The following MAGI1 variants were observed in gnomAD, a reference collection of about 807,000 sequenced individuals.
The protein encoded by MAGI1 is membrane associated guanylate kinase, WW and PDZ domain containing 1, also known as membrane-associated guanylate kinase, WW and PDZ domain-containing protein 1.
MAGI1 carries 58 observed loss-of-function variants against 139.9 expected under a neutral mutation model. The observed-to-expected ratio is 0.41, with a 90% CI of 0.34 to 0.52. The LOEUF is 0.52. MAGI1 is among the 20% of genes least tolerant of loss of function. MAGI1 has a pLI of 0.12. For missense variants in MAGI1, 1,874 were observed against 1,901.6 expected (o/e 0.99, Z 0.27); for synonymous variants, 812 against 737.9 (o/e 1.10, Z -1.63).
intron 1 of MAGI1, among the ~76,000 whole-genome samples, chr3:66,020,904 C>T (rs560068505): frequency 2.0e-5 from 3 of 152,224 alleles, no homozygotes; most frequent in East Asian, 3.9e-4. Context: ...AATGAGCGCA[C>T]TACCATATGC....
chr3:65,365,314 C>T (rs1027928025), intron 18 of MAGI1: 3 of 415,684 alleles, frequency 7.2e-6, no homozygotes, highest in South Asian at 1.9e-5. Flanking sequence ...TCTTCCAGAA[C>T]TTTAAAGTCT....
At chr3:65,509,803 C>T (rs1015603218) in intron 2 of MAGI1, among the ~76,000 whole-genome samples, 37 of 152,174 alleles carry the variant, frequency 2.4e-4, no homozygotes, top group African/African-American at 7.7e-4. Context: ...GAGCCCACCA[C>T]AGCTCAAGGA....
intron 2 of MAGI1, among the ~76,000 whole-genome samples, chr3:65,586,345 A>G (rs2081677327): frequency 6.6e-6 from 1 of 152,204 alleles, no homozygotes; most frequent in Non-Finnish European, 1.5e-5. Flanking sequence ...TTAGGAATAG[A>G]AAATGGATAT....
At chr3:65,540,972 A>T (rs2079185176) in intron 2 of MAGI1, among the ~76,000 whole-genome samples, 1 of 152,216 alleles carries the variant, frequency 6.6e-6, no homozygotes, top group Non-Finnish European at 1.5e-5. Flanking sequence ...TGGATGGTGT[A>T]TGTATCAAAA....
At chr3:65,770,085 G>A (rs963639539) in intron 1 of MAGI1, among the ~76,000 whole-genome samples, 1 of 152,186 alleles carries the variant, frequency 6.6e-6, no homozygotes, top group Non-Finnish European at 1.5e-5. Context: ...GAGAGGACAA[G>A]AAAGGTGAGA....
intron 1 of MAGI1, among the ~76,000 whole-genome samples, chr3:65,797,711 G>A (rs868038847): frequency 6.6e-6 from 1 of 151,442 alleles, no homozygotes; most frequent in Non-Finnish European, 1.5e-5. Context: ...GTGAGACCCA[G>A]TCTCAAAAAA....
At chr3:65,387,943 G>C (rs1943584403) in intron 14 of MAGI1, among the ~76,000 whole-genome samples, 1 of 152,196 alleles carries the variant, frequency 6.6e-6, no homozygotes, top group Non-Finnish European at 1.5e-5. Context: ...AACAGGCAAA[G>C]TTTCAACTAT....
intron 13 of MAGI1, among the ~76,000 whole-genome samples, chr3:65,396,874 A>T (rs1236930751): frequency 6.6e-6 from 1 of 152,218 alleles, no homozygotes; most frequent in East Asian, 1.9e-4. Flanking sequence ...TATGGGTCTA[A>T]GTCAAACGAT....
intron 2 of MAGI1, among the ~76,000 whole-genome samples, chr3:65,562,258 C>A (rs946001461): frequency 1.3e-5 from 2 of 152,142 alleles, no homozygotes; most frequent in South Asian, 4.1e-4. Flanking sequence ...ATAAAACTTA[C>A]CACGTTTTAT....
intron 5 of MAGI1, among the ~76,000 whole-genome samples, chr3:65,458,115 G>T (rs1057400773): frequency 6.6e-6 from 1 of 152,010 alleles, no homozygotes; most frequent in Non-Finnish European, 1.5e-5. Flanking sequence ...AAAGGTTGTC[G>T]CAAATGACTA....
intron 10 of MAGI1, among the ~76,000 whole-genome samples, chr3:65,434,145 C>G (rs1947667176): frequency 1.3e-5 from 2 of 152,144 alleles, no homozygotes; most frequent in African/African-American, 4.8e-5. Flanking sequence ...GTATAGTGTT[C>G]AAATCTGTGC....
intron 1 of MAGI1, among the ~76,000 whole-genome samples, chr3:65,997,795 G>A (rs751036753): frequency 3.3e-5 from 5 of 151,920 alleles, no homozygotes; most frequent in Non-Finnish European, 7.4e-5. Flanking sequence ...TCTCCCCCTC[G>A]ACACCAGGAA....
chr3:65,456,311 C>A (rs1949383631), intron 5 of MAGI1, among the ~76,000 whole-genome samples: 1 of 152,094 alleles, frequency 6.6e-6, no homozygotes, highest in African/African-American at 2.4e-5. Context: ...CATCTATATA[C>A]CCTTTTCAGT....
At chr3:65,934,768 G>T (rs7635840) in intron 1 of MAGI1, among the ~76,000 whole-genome samples, 56,709 of 141,982 alleles carry the variant, frequency 0.4, 11,468 homozygotes, top group East Asian at 0.65. Flanking sequence ...AAAAGTTGTT[G>T]TTTTTTTTTT....
At chr3:65,373,554 C>T (rs1215267887) in intron 18 of MAGI1, among the ~76,000 whole-genome samples, 2 of 152,172 alleles carry the variant, frequency 1.3e-5, no homozygotes, top group Non-Finnish European at 2.9e-5. Flanking sequence ...TGGCCACAAA[C>T]CTTCAATTTG....
At chr3:65,866,968 C>G (rs2059751529) in intron 1 of MAGI1, among the ~76,000 whole-genome samples, 1 of 152,146 alleles carries the variant, frequency 6.6e-6, no homozygotes, top group Non-Finnish European at 1.5e-5. Flanking sequence ...CAGCAACATC[C>G]ACCTAGCTTC....
chr3:66,024,315 TAAAAAAAA>T (rs34593257), intron 1 of MAGI1, among the ~76,000 whole-genome samples: 1 of 95,778 alleles, frequency 1.0e-5, no homozygotes, highest in African/African-American at 4.2e-5. Context: ...CAAAGTTCAT[TAAAAAAAA>T]AAAAAAAAAA....
chr3:65,602,277 A>G (rs566353823), intron 2 of MAGI1, among the ~76,000 whole-genome samples: 1 of 152,210 alleles, frequency 6.6e-6, no homozygotes, highest in Admixed American at 6.5e-5. Flanking sequence ...ATTATTACTC[A>G]TAATAGCCAA....
intron 1 of MAGI1, among the ~76,000 whole-genome samples, chr3:65,841,469 G>A (rs991179593): frequency 6.7e-5 from 10 of 148,348 alleles, no homozygotes; most frequent in African/African-American, 2.3e-4. Context: ...TTTTTGAGAT[G>A]CAGGATGGAG....
Sources: gnomAD v4.1 joint callset for allele counts (sites outside exome capture counted in the v4.1 genomes callset) on GRCh38, gnomAD v4.1.1 for gene constraint, MANE v1.5 for transcripts, NCBI Gene and HGNC (gene_info 2026-07-23, HGNC 2026-07-21) for gene names.